The following MAGI2 variants were observed in gnomAD, a reference collection of about 807,000 sequenced individuals.
The protein encoded by MAGI2 is membrane associated guanylate kinase, WW and PDZ domain containing 2.
A neutral mutation model predicts 133.3 loss-of-function variants in MAGI2; 35 were observed. That is an observed-to-expected ratio of 0.26 (90% CI 0.20 to 0.35). The LOEUF is 0.35. Among genes scored for constraint, MAGI2 ranks in the 10% least tolerant of loss-of-function variants. The pLI, the probability that MAGI2 is intolerant of heterozygous loss-of-function variation, is 1.00. For synonymous variants in MAGI2, 729 were observed against 710.6 expected, an observed-to-expected ratio of 1.03 and a Z score of -0.41; for missense variants, 1,636 against 1,863.4, an observed-to-expected ratio of 0.88 and a Z score of 2.25.
intron 1 of MAGI2, among the ~76,000 whole-genome samples, chr7:79,022,113 A>G (rs548098903): frequency 1.3e-5 from 2 of 152,312 alleles, no homozygotes; most frequent in South Asian, 4.1e-4. Flanking sequence ...GAGTCAATTA[A>G]ACCTCTTTCC....
chr7:79,236,461 G>T (rs1470744029), intron 1 of MAGI2, among the ~76,000 whole-genome samples: 1 of 152,174 alleles, frequency 6.6e-6, no homozygotes, highest in Non-Finnish European at 1.5e-5. Context: ...CTGGTTTTAT[G>T]AAAAAGATTC....
chr7:79,159,980 A>G (rs932824701), intron 1 of MAGI2, among the ~76,000 whole-genome samples: 4 of 152,094 alleles, frequency 2.6e-5, no homozygotes, highest in African/African-American at 4.8e-5. Flanking sequence ...CTTACTTAAG[A>G]AGGTACTTAT....
At chr7:78,256,948 G>A (rs576147333) in intron 9 of MAGI2, among the ~76,000 whole-genome samples, 38 of 152,082 alleles carry the variant, frequency 2.5e-4, no homozygotes, top group African/African-American at 7.7e-4. Flanking sequence ...TATAATTTTC[G>A]AACTATTGAG....
intron 9 of MAGI2, among the ~76,000 whole-genome samples, chr7:78,308,532 T>C (rs972371183): frequency 6.6e-6 from 1 of 152,054 alleles, no homozygotes; most frequent in African/African-American, 2.4e-5. Context: ...CCCATCTTTT[T>C]TTTTTTCTTT....
At chr7:78,092,997 G>A (rs1019816931) in intron 20 of MAGI2, among the ~76,000 whole-genome samples, 2 of 151,990 alleles carry the variant, frequency 1.3e-5, no homozygotes, top group East Asian at 1.9e-4. Flanking sequence ...TTAGCTGGGT[G>A]TGGTGGGGGG....
chr7:79,075,943 T>C (rs765050065), intron 1 of MAGI2, among the ~76,000 whole-genome samples: 14 of 152,160 alleles, frequency 9.2e-5, no homozygotes, highest in Non-Finnish European at 1.8e-4. Flanking sequence ...TCAAATAATA[T>C]GATACTTTAA....
chr7:78,094,325 C>T (rs566161601), intron 20 of MAGI2, among the ~76,000 whole-genome samples: 1 of 152,286 alleles, frequency 6.6e-6, no homozygotes, highest in East Asian at 1.9e-4. Context: ...CTTGTCATTT[C>T]TTCCATTCAA....
rs117001322 is a variant in MAGI2, at chr7:78,769,610, C to T, written c.419-142371G>A. Among the ~76,000 whole-genome samples the T allele has an allele frequency of 7.4e-3, 1,126 of 152,204 alleles. 14 individuals are homozygous for T. Among genetic ancestry groups the T allele is most frequent in the Non-Finnish European group, 9.6e-3 (654 of 68,014 alleles). ...AGCAAATCACAATGCTGAGGAACGG[C>T]TCGACTACTCAAAGACCATCTCCCT... On this transcript the variant is annotated intron_variant, in intron 2 of 21. Transcript: ENST00000354212.
At position 78,748,972 on chromosome 7, in the gene MAGI2, GAGTACTA is replaced by G. The variant is rs1823199063; in HGVS notation, c.419-121740_419-121734del. On this transcript the variant is annotated intron_variant, in intron 2 of 21. Coordinates refer to ENST00000354212, the MANE Select transcript of MAGI2 (RefSeq NM_012301.4). ...TTGTCAAGCATTTACTACATACATG[GAGTACTA>G]AGTACTACTAAAATTGTAAAGATGA... is the stretch of plus-strand genomic sequence containing the variant. Among the ~76,000 whole-genome samples, 2 of 152,176 alleles carry G rather than the reference GAGTACTA, an allele frequency of 1.3e-5. 1 individual carries two copies. Among genetic ancestry groups the G allele is most frequent in the South Asian group, 4.1e-4 (2 of 4,828 alleles).
At chr7:79,104,592 G>A (rs1438251151) in intron 1 of MAGI2, among the ~76,000 whole-genome samples, 2 of 152,058 alleles carry the variant, frequency 1.3e-5, no homozygotes, top group African/African-American at 4.8e-5. Context: ...GCTTGAACCT[G>A]GGAGGTGGAG....
chr7:79,015,452 C>G (rs1381845434), intron 1 of MAGI2, among the ~76,000 whole-genome samples: 1 of 152,090 alleles, frequency 6.6e-6, no homozygotes, highest in Non-Finnish European at 1.5e-5. Flanking sequence ...GAACACCTTG[C>G]CCAAATCAAC....
At chr7:78,353,778 G>C (rs1285953518) in intron 7 of MAGI2, among the ~76,000 whole-genome samples, 1 of 152,142 alleles carries the variant, frequency 6.6e-6, no homozygotes, top group African/African-American at 2.4e-5. Context: ...TAGAGTACAA[G>C]GCTAGTGCAC....
At chr7:78,858,761 A>G (rs1172238864) in intron 2 of MAGI2, among the ~76,000 whole-genome samples, 2 of 151,208 alleles carry the variant, frequency 1.3e-5, no homozygotes, top group Admixed American at 6.6e-5. Flanking sequence ...GTGGATGTCT[A>G]TTATGTCTGA....
In MAGI2 at chr7:78,702,602, A is replaced by G. The variant is rs1176723919; in HGVS notation, c.419-75363T>C. Reference sequence around the variant, plus strand: ...CCCAATAAATAAAAGTTATAAAAATATTATCTGCTATGGTCATTAAAGCTG... The same window carrying G: ...CCCAATAAATAAAAGTTATAAAAATGTTATCTGCTATGGTCATTAAAGCTG... On this transcript the variant is annotated intron_variant, in intron 2 of 21. Transcript: ENST00000354212. Among the ~76,000 whole-genome samples, 5 of 151,992 alleles carry G rather than the reference A, an allele frequency of 3.3e-5. No homozygotes were observed. The East Asian group carries it at 9.6e-4, about 29-fold the overall frequency.
chr7:78,211,958 C>T (rs1456430485), intron 10 of MAGI2, among the ~76,000 whole-genome samples: 1 of 152,208 alleles, frequency 6.6e-6, no homozygotes, highest in Admixed American at 6.5e-5. Context: ...AAGGTTTAAC[C>T]TCACTCCAGT....
In MAGI2 at chr7:79,163,102, A is replaced by G. The variant is rs116883067; in HGVS notation, c.302-155896T>C. ...AAACCTCCTTTTCTCTCCCCAAAACATCAGTATAGGGTACAATACAAAAGC... is the reference window on the plus strand; with the variant it reads ...AAACCTCCTTTTCTCTCCCCAAAACGTCAGTATAGGGTACAATACAAAAGC... On this transcript the variant is annotated intron_variant, in intron 1 of 21. Coordinates refer to ENST00000354212, the MANE Select transcript of MAGI2 (RefSeq NM_012301.4). 7.2e-3 allele frequency among the ~76,000 whole-genome samples: 1,100 copies of G among 152,230 alleles called. 9 individuals are homozygous for G. Among genetic ancestry groups the G allele is most frequent in the Non-Finnish European group, 9.5e-3 (643 of 67,996 alleles).
At chr7:78,151,582 T>C (rs1823877495) in intron 16 of MAGI2, among the ~76,000 whole-genome samples, 1 of 152,152 alleles carries the variant, frequency 6.6e-6, no homozygotes. Flanking sequence ...CCCTGACTTG[T>C]TAGGGTGCTC....
At chr7:78,390,989 G>C (rs1795849411) in intron 6 of MAGI2, among the ~76,000 whole-genome samples, 1 of 152,116 alleles carries the variant, frequency 6.6e-6, no homozygotes, top group Non-Finnish European at 1.5e-5. Context: ...GAAATCCCTT[G>C]AAATATGCTT....
intron 20 of MAGI2, among the ~76,000 whole-genome samples, chr7:78,114,345 A>G (rs960779376): frequency 3.9e-5 from 6 of 152,238 alleles, no homozygotes; most frequent in South Asian, 2.1e-4. Flanking sequence ...AAACTCACCA[A>G]TGGGTATATA....
Sources: allele counts gnomAD v4.1 joint callset (sites outside exome capture counted in the v4.1 genomes callset), GRCh38; gene constraint gnomAD v4.1.1; transcripts MANE v1.5; gene names NCBI Gene and HGNC (gene_info 2026-07-23, HGNC 2026-07-21).